ACP7: variants seen among roughly 807,000 people sequenced by gnomAD.
The protein encoded by ACP7 is acid phosphatase 7, tartrate resistant (putative), also known as acid phosphatase type 7.
In ACP7, 58 loss-of-function variants were observed where a neutral mutation model predicts 60.6. The ratio of observed to expected loss-of-function variants is 0.96; its 90% CI spans 0.77 to 1.19. ACP7 has a LOEUF of 1.19. Ranked by LOEUF, ACP7 falls within the 50% of genes most tolerant of loss-of-function variation. ACP7 has a pLI of 0.00. For missense variants in ACP7, 574 were observed against 596.2 expected (o/e 0.96, Z 0.39); for synonymous variants, 237 against 232.6 (o/e 1.02, Z -0.17).
chr19:39,104,155 A>T (rs556256327), intron 11 of ACP7, among the ~76,000 whole-genome samples: 1 of 151,936 alleles, frequency 6.6e-6, no homozygotes, highest in Admixed American at 6.6e-5. Context: ...TAAAAATTCA[A>T]ACAGTTACAG....
Position 39,101,287 on chromosome 19 carries a change from G to A in ACP7, c.974-1G>A, listed in dbSNP as rs1287238420. The A allele has an allele frequency of 2.5e-6, 4 of 1,614,070 alleles. No individual in the cohort carries two copies. The highest frequency in any genetic ancestry group is 2.5e-6 in the Non-Finnish European group (3 of 1,180,050). On this transcript the variant is annotated splice_acceptor_variant, in intron 9 of 12. Coordinates refer to ENST00000331256, the MANE Select transcript of ACP7 (RefSeq NM_001004318.3). LOFTEE classifies it high-confidence loss of function. ...TCTGATCCCCGCTTGCTCTATCTCA[G>A]GAGTGGATCTGCAGCTGTGGGCTCA...
At position 39,105,714 on chromosome 19, in the gene ACP7, G is replaced by A. The variant is rs143532773; in HGVS notation, c.1114-1233G>A. On this transcript the variant is annotated intron_variant, in intron 11 of 12. Coordinates refer to ENST00000331256, the MANE Select transcript of ACP7 (RefSeq NM_001004318.3). ...TTTTGTATTGACAGGGTTTCGCCATGTTGCCCAGGCTGGTCTTGAACTCCT... is the reference window on the plus strand; with the variant it reads ...TTTTGTATTGACAGGGTTTCGCCATATTGCCCAGGCTGGTCTTGAACTCCT... Among the ~76,000 whole-genome samples the A allele has an allele frequency of 4.1e-3, 628 of 152,162 alleles. 6 individuals are homozygous for A. The highest frequency in any genetic ancestry group is 0.014 in the African/African-American group (596 of 41,520).
chr19:39,092,771 CTT>C (rs67888880), intron 2 of ACP7, among the ~76,000 whole-genome samples: 49,567 of 115,964 alleles, frequency 0.43, 8,567 homozygotes, highest in Middle Eastern at 0.55. Flanking sequence ...TCCCATTCCT[CTT>C]TTTTTTTTTT....
rs774730734 is a variant in ACP7 at position 39,101,005 on chromosome 19, C to G, written c.864C>G (p.Pro288=). The G allele has an allele frequency of 3.1e-6, 5 of 1,613,968 alleles. No homozygotes were observed. Among genetic ancestry groups the G allele is most frequent in the Non-Finnish European group, 3.4e-6 (4 of 1,180,002 alleles). ...RPWIITMGHR[P]MYCSNADLDD... The stretch of plus-strand genomic sequence containing the variant: ...GGATCATCACTATGGGGCACCGGCC[C>G]ATGTACTGCTCCAACGCAGATCTGG... Residue 288 remains proline (P), a synonymous_variant, in exon 8 of 13, where the codon CCC becomes CCG. Coordinates refer to ENST00000331256, the MANE Select transcript of ACP7 (RefSeq NM_001004318.3).
In ACP7 at chr19:39,109,968, A is replaced by G. The variant is rs1313120751; in HGVS notation, c.1252-85A>G. ...AGGGTTGTACAGCCCATCAGAGGGC[A>G]GAGAGGGGACTGGAACCCAGGCCAT... is the stretch of plus-strand genomic sequence containing the variant. On this transcript the variant is annotated intron_variant, in intron 12 of 12. Coordinates refer to ENST00000331256, the MANE Select transcript of ACP7 (RefSeq NM_001004318.3). 1.2e-5 allele frequency: 17 copies of G among 1,361,022 alleles called. No individual in the cohort carries two copies. In the South Asian group the frequency reaches 2.0e-4, roughly 16 times the overall value. 84.3% of individuals were successfully genotyped at this position (1,361,022 alleles called of 1,614,324 possible).
At chr19:39,091,164 C>CT (rs111230201) in intron 2 of ACP7, among the ~76,000 whole-genome samples, 3,821 of 139,606 alleles carry the variant, frequency 0.027, 144 homozygotes, top group African/African-American at 0.085. Flanking sequence ...TCTTTTCTTT[C>CT]TTTTTTTTTT....
At chr19:39,092,771 C>CTTTTTT (rs67888880) in intron 2 of ACP7, among the ~76,000 whole-genome samples, 48 of 114,646 alleles carry the variant, frequency 4.2e-4, no homozygotes, top group Non-Finnish European at 5.3e-4. Context: ...TCCCATTCCT[C>CTTTTTT]TTTTTTTTTT....
At chr19:39,098,764 A>G in intron 3 of ACP7, 106 bp downstream of exon 3, 2 of 1,369,834 alleles carry the variant, frequency 1.5e-6, no homozygotes, top group South Asian at 2.8e-5. Context: ...TGGTAACTCC[A>G]CTGCCTATCT....
At position 39,098,533 on chromosome 19, in the gene ACP7, C is replaced by G; in HGVS notation, c.197C>G (p.Pro66Arg). Residue 66 changes from proline (P) to arginine (R), a missense_variant, in exon 3 of 13, where the codon CCG becomes CGG. Transcript: ENST00000331256. The stretch of plus-strand genomic sequence containing the variant: ...TCTGAAGTGCAATTCGGGTTGCAGC[C>G]GTCGGGGCCCCTGCCCCTCCGCGCC... Reference protein sequence around the residue: ...TRSEVQFGLQPSGPLPLRAQG... With the variant: ...TRSEVQFGLQRSGPLPLRAQG... 1 of 1,611,574 alleles carries G rather than the reference C, an allele frequency of 6.2e-7. No homozygotes were observed. Among genetic ancestry groups the G allele is most frequent in the South Asian group, 1.1e-5 (1 of 90,556 alleles).
chr19:39,085,566 G>A (rs1285725438), intron 2 of ACP7, among the ~76,000 whole-genome samples, 176 bp downstream of exon 2: 1 of 152,220 alleles, frequency 6.6e-6, no homozygotes, highest in Non-Finnish European at 1.5e-5. Context: ...ACCTGGAAGT[G>A]TGGGGAATGA....
Position 39,085,336 on chromosome 19 carries a change from G to C in ACP7, c.67G>C (p.Gly23Arg). 1 of 1,613,648 alleles carries C rather than the reference G, an allele frequency of 6.2e-7. No individual in the cohort carries two copies. Among genetic ancestry groups the C allele is most frequent in the South Asian group, 1.1e-5 (1 of 90,996 alleles). ...LLLLFSLGVQ[G>R]SLGAPSAAPE... is the part of the protein sequence containing the mutation. ...CCTGCTATTCTCCTTGGGAGTCCAG[G>C]GGTCCCTGGGGGCTCCCAGCGCTGC... Residue 23 changes from glycine (G) to arginine (R), a missense_variant, in exon 2 of 13, where the codon GGG becomes CGG. Gly to Arg is a moderately radical substitution (Grantham distance 125, BLOSUM62 -2). Coordinates refer to ENST00000331256, the MANE Select transcript of ACP7 (RefSeq NM_001004318.3).
At chr19:39,088,603 A>G (rs2073169843) in intron 2 of ACP7, among the ~76,000 whole-genome samples, 1 of 152,216 alleles carries the variant, frequency 6.6e-6, no homozygotes, top group Admixed American at 6.5e-5. Flanking sequence ...CTTAAGCTGT[A>G]GGTACCATTG....
chr19:39,102,897 G>A (rs1026683415), intron 11 of ACP7, among the ~76,000 whole-genome samples: 5 of 150,718 alleles, frequency 3.3e-5, no homozygotes, highest in African/African-American at 1.2e-4. Context: ...GAGTGCAGTG[G>A]CACGATCTCG....
intron 2 of ACP7, among the ~76,000 whole-genome samples, chr19:39,095,503 C>G (rs1384758980): frequency 1.3e-5 from 2 of 152,208 alleles, no homozygotes; most frequent in Non-Finnish European, 2.9e-5. Context: ...CAGCTCTGCC[C>G]CTGTGGCTTT....
At chr19:39,097,603 C>T (rs1255478506) in intron 2 of ACP7, among the ~76,000 whole-genome samples, 1 of 151,086 alleles carries the variant, frequency 6.6e-6, no homozygotes, top group Non-Finnish European at 1.5e-5. Context: ...TTTGCTGGTA[C>T]TGGGCCCGTT....
chr19:39,110,207 G>C lies in ACP7; in HGVS notation c.*89G>C. On this transcript the variant is annotated 3_prime_UTR_variant, in exon 13 of 13. Transcript: ENST00000331256. ...TGCCCAGGCCTGGGTGGGGAGTTGG[G>C]TGGGCCCTGACTCCCCTGCCCTCCA... is the stretch of plus-strand genomic sequence containing the variant. 2 of 1,313,612 alleles carry C rather than the reference G, an allele frequency of 1.5e-6. No homozygotes were observed. Among genetic ancestry groups the C allele is most frequent in the Non-Finnish European group, 1.1e-6 (1 of 921,520 alleles). The allele number at this position is 1,313,612 out of a possible 1,614,324, so 81.4% of individuals were successfully genotyped here.
intron 1 of ACP7, 84 bp downstream of exon 1, chr19:39,084,484 C>G (rs1167031286): frequency 7.0e-6 from 1 of 143,514 alleles, no homozygotes; most frequent in Non-Finnish European, 1.5e-5. Context: ...GGAGCTGGAG[C>G]AGGCGGGAAA....
upstream of ACP7, chr19:39,083,831 C>A (rs1039910541): frequency 2.6e-5 from 4 of 152,268 alleles, no homozygotes; most frequent in African/African-American, 7.2e-5. Flanking sequence ...CTCAGAAAGC[C>A]CACTGCAATT....
intron 2 of ACP7, among the ~76,000 whole-genome samples, chr19:39,096,306 T>C (rs1015217388): frequency 6.6e-6 from 1 of 152,164 alleles, no homozygotes; most frequent in Non-Finnish European, 1.5e-5. Flanking sequence ...TTCCACCAGA[T>C]ACCCTAAATC....
Sources: allele counts gnomAD v4.1 joint callset (sites outside exome capture counted in the v4.1 genomes callset), GRCh38; gene constraint gnomAD v4.1.1; transcripts MANE v1.5; gene names NCBI Gene and HGNC (gene_info 2026-07-23, HGNC 2026-07-21).